PATL2: variants seen among roughly 807,000 people sequenced by gnomAD.
PATL2 encodes the protein PAT1 homolog 2.
In PATL2, 73 loss-of-function variants were observed where a neutral mutation model predicts 77.0. That is an observed-to-expected ratio of 0.95 (90% CI 0.78 to 1.15). The LOEUF (loss-of-function observed/expected upper bound fraction) is 1.15. Among genes scored for constraint, PATL2 ranks in the 50% most tolerant of loss-of-function variants. PATL2 has a pLI of 0.00. For synonymous variants in PATL2, 265 were observed against 257.1 expected, an observed-to-expected ratio of 1.03 and a Z score of -0.29; for missense variants, 618 against 655.4, an observed-to-expected ratio of 0.94 and a Z score of 0.62.
At chr15:44,676,003 G>A (rs2085937813) in intron 4 of PATL2, 2 of 389,830 alleles carry the variant, frequency 5.1e-6, no homozygotes, top group Non-Finnish European at 9.2e-6. Context: ...GCAACACAGT[G>A]AGACCCTGTC....
chr15:44,688,650 C>T (rs1417103361), intron 3 of PATL2, among the ~76,000 whole-genome samples: 1 of 152,178 alleles, frequency 6.6e-6, no homozygotes, highest in Middle Eastern at 3.2e-3. Context: ...GGAAGACTGG[C>T]TATCCATATG....
At chr15:44,676,324 C>T in intron 4 of PATL2, 151 bp downstream of exon 4, 3 of 741,630 alleles carry the variant, frequency 4.0e-6, no homozygotes, top group South Asian at 3.2e-5. Context: ...GAAGAGTGAC[C>T]TTTCAGTCAC....
At chr15:44,673,492 A>G (rs913951216) in intron 6 of PATL2, 115 bp from the exon 7 acceptor site, 18 of 1,357,086 alleles carry the variant, frequency 1.3e-5, no homozygotes, top group Non-Finnish European at 1.8e-5. Flanking sequence ...TTCACCCAAC[A>G]TTGTGCCATC....
At chr15:44,701,800 T>C (rs2086635672) in intron 3 of PATL2, among the ~76,000 whole-genome samples, 1 of 151,586 alleles carries the variant, frequency 6.6e-6, no homozygotes, top group Non-Finnish European at 1.5e-5. Context: ...ACAAACATAG[T>C]GCTGGCATCT....
At chr15:44,709,540 A>C (rs1349091887) in intron 3 of PATL2, among the ~76,000 whole-genome samples, 1 of 152,160 alleles carries the variant, frequency 6.6e-6, no homozygotes, top group African/African-American at 2.4e-5. Context: ...AAATTAAAAA[A>C]AAAAGAAATT....
chr15:44,668,796 T>C (rs1225740472), intron 14 of PATL2, among the ~76,000 whole-genome samples, 184 bp downstream of exon 14: 1 of 152,208 alleles, frequency 6.6e-6, no homozygotes, highest in Non-Finnish European at 1.5e-5. Context: ...TCGTCATACC[T>C]GAAGATGATC....
Position 44,674,248 on chromosome 15 carries a change from A to C in PATL2, c.223-18T>G, listed in dbSNP as rs1308129292. 4 of 1,517,752 alleles carry C rather than the reference A, an allele frequency of 2.6e-6. No individual in the cohort carries two copies. The African/African-American group carries it at 5.6e-5, about 21-fold the overall frequency. 94.0% of individuals were successfully genotyped at this position (1,517,752 alleles called of 1,614,324 possible). A position where few individuals can be genotyped will look rare whatever the true frequency, so the allele number is the denominator to read the frequency against. ...AGAGCTCTCTGGAACAGGAGGGAGGAAAAACCAGGCTCAAATGGGCCCCTG... is the reference window on the plus strand; with the variant it reads ...AGAGCTCTCTGGAACAGGAGGGAGGCAAAACCAGGCTCAAATGGGCCCCTG... On this transcript the variant is annotated intron_variant, in intron 5 of 17. Coordinates refer to ENST00000682850, the MANE Select transcript of PATL2 (RefSeq NM_001387263.1).
chr15:44,675,428 GC>G (rs1207975770), intron 5 of PATL2, 57 bp downstream of exon 5: 2 of 1,487,260 alleles, frequency 1.3e-6, no homozygotes, highest in East Asian at 5.0e-5. Flanking sequence ...TTTAGTGACA[GC>G]CTGTGAGCCA....
chr15:44,676,118 C>A (rs1293731850), intron 4 of PATL2: 4 of 367,698 alleles, frequency 1.1e-5, no homozygotes, highest in Admixed American at 8.6e-5. Context: ...CTAGCACAGC[C>A]TTTTCCATCT....
intron 3 of PATL2, among the ~76,000 whole-genome samples, chr15:44,689,152 C>T (rs1035111924): frequency 1.3e-5 from 2 of 152,154 alleles, no homozygotes; most frequent in Non-Finnish European, 2.9e-5. Flanking sequence ...CAAATCAAAA[C>T]CACAAAGAGA....
At chr15:44,676,648 C>A in intron 3 of PATL2, 83 bp from the exon 4 acceptor site, 2 of 1,338,420 alleles carry the variant, frequency 1.5e-6, no homozygotes, top group Non-Finnish European at 1.0e-6. Flanking sequence ...GGAATCCTCC[C>A]AGCAAGATGG....
intron 3 of PATL2, among the ~76,000 whole-genome samples, chr15:44,686,377 C>T (rs776781499): frequency 6.6e-5 from 10 of 152,162 alleles, no homozygotes; most frequent in Admixed American, 2.6e-4. Flanking sequence ...AAAGACACAA[C>T]GTACCAGCAT....
In PATL2 at chr15:44,676,574, A is replaced by C. The variant is rs76665052; in HGVS notation, c.-75-9T>G. ...GCCTCTGGAAGGTAAACCTGAGACAAGAAAGAGGCCAAGAGGCACCATCCT... is the reference window on the plus strand; with the variant it reads ...GCCTCTGGAAGGTAAACCTGAGACACGAAAGAGGCCAAGAGGCACCATCCT... On this transcript the variant is annotated splice_polypyrimidine_tract_variant and intron_variant, in intron 3 of 17. Transcript: ENST00000682850. 0.015 allele frequency: 23,659 copies of C among 1,547,326 alleles called. 237 individuals are homozygous for C. Among genetic ancestry groups the C allele is most frequent in the Middle Eastern group, 0.053 (295 of 5,584 alleles).
At position 44,669,814 on chromosome 15, in the gene PATL2, C is replaced by G. The variant is rs569729547; in HGVS notation, c.839G>C (p.Arg280Pro). The G allele has an allele frequency of 6.4e-7, 1 of 1,551,548 alleles. No individual in the cohort carries two copies. Among genetic ancestry groups the G allele is most frequent in the African/African-American group, 1.4e-5 (1 of 73,034 alleles). Residue 280 changes from arginine to proline, a missense_variant, in exon 11 of 18, where the codon CGA becomes CCA. By Grantham distance (103) the Arg-to-Pro change is moderately radical (BLOSUM62 -2). Transcript: ENST00000682850. ...VAVSTCFSPR[R>P]AIDAVPHGTQ... Reference sequence around the variant, plus strand: ...TCCATGGGGTACCGCATCAATAGCTCGGCGAGGGCTGAAGCATGTCGACAC... The same window carrying G: ...TCCATGGGGTACCGCATCAATAGCTGGGCGAGGGCTGAAGCATGTCGACAC...
chr15:44,680,703 G>A (rs1263981292), intron 3 of PATL2, among the ~76,000 whole-genome samples: 5 of 151,956 alleles, frequency 3.3e-5, no homozygotes, highest in Non-Finnish European at 2.9e-5. Flanking sequence ...TGCCCTTCAG[G>A]TCTCTCCTAC....
intron 17 of PATL2, 122 bp from the exon 18 acceptor site, chr15:44,666,093 T>G: frequency 1.0e-6 from 1 of 955,010 alleles, no homozygotes; most frequent in Non-Finnish European, 1.6e-6. Context: ...ATGTTATTCA[T>G]GCTTATATCC....
At chr15:44,678,223 T>C (rs2086037883) in intron 3 of PATL2, among the ~76,000 whole-genome samples, 1 of 152,180 alleles carries the variant, frequency 6.6e-6, no homozygotes, top group Non-Finnish European at 1.5e-5. Context: ...ACTTTAGCAC[T>C]ATTAACAAAA....
At chr15:44,703,781 G>A (rs1182844550) in intron 3 of PATL2, among the ~76,000 whole-genome samples, 1 of 101,936 alleles carries the variant, frequency 9.8e-6, no homozygotes, top group Non-Finnish European at 1.8e-5. Context: ...TATGTCTTTT[G>A]AATGGAGAGT....
At chr15:44,677,208 G>A (rs931082877) in intron 3 of PATL2, among the ~76,000 whole-genome samples, 2 of 152,136 alleles carry the variant, frequency 1.3e-5, no homozygotes, top group African/African-American at 4.8e-5. Flanking sequence ...TAATCCCTAG[G>A]TTTTGCTTCA....
Sources: gnomAD v4.1 joint callset for allele counts (sites outside exome capture counted in the v4.1 genomes callset) on GRCh38, gnomAD v4.1.1 for gene constraint, MANE v1.5 for transcripts, NCBI Gene and HGNC (gene_info 2026-07-23, HGNC 2026-07-21) for gene names.